The following KCNB2 variants were observed in gnomAD, a reference collection of about 807,000 sequenced individuals.
KCNB2 encodes delayed rectifier potassium channel protein.
Under a neutral mutation model 61.5 loss-of-function variants are expected in KCNB2, and 15 were observed. That is an observed-to-expected ratio of 0.24 (90% CI 0.16 to 0.38). The LOEUF (loss-of-function observed/expected upper bound fraction) is 0.38, where lower values mean the gene tolerates loss of function less well. Ranked by LOEUF, KCNB2 falls within the 10% of genes least tolerant of loss-of-function variation. The pLI, the probability that KCNB2 is intolerant of heterozygous loss-of-function variation, is 1.00. For missense variants in KCNB2, 828 were observed against 1,125.2 expected (o/e 0.74, Z 3.78); for synonymous variants, 457 against 446.0 (o/e 1.02, Z -0.31).
At chr8:72,554,375 C>A (rs1166649826) in intron 1 of KCNB2, among the ~76,000 whole-genome samples, 1 of 151,944 alleles carries the variant, frequency 6.6e-6, no homozygotes, top group Non-Finnish European at 1.5e-5. Context: ...TCCATTCTGA[C>A]CATTATTGGA....
chr8:72,921,153 A>G (rs1344520166), intron 2 of KCNB2, among the ~76,000 whole-genome samples: 1 of 152,068 alleles, frequency 6.6e-6, no homozygotes, highest in Non-Finnish European at 1.5e-5. Flanking sequence ...ATTTAATATA[A>G]TAATTACTAT....
chr8:72,749,780 ATAT>A (rs1021216175), intron 2 of KCNB2, among the ~76,000 whole-genome samples: 4 of 146,196 alleles, frequency 2.7e-5, no homozygotes, highest in African/African-American at 7.5e-5. Context: ...ATATATACAA[ATAT>A]TATATATAAT....
At chr8:72,900,982 T>C (rs1290927388) in intron 2 of KCNB2, among the ~76,000 whole-genome samples, 5 of 152,166 alleles carry the variant, frequency 3.3e-5, no homozygotes, top group African/African-American at 1.2e-4. Context: ...CCCAGCAATC[T>C]TATTACTGGG....
chr8:72,541,820 T>C (rs1294373873), intron 1 of KCNB2, among the ~76,000 whole-genome samples: 5 of 152,158 alleles, frequency 3.3e-5, no homozygotes, highest in Non-Finnish European at 5.9e-5. Context: ...CAGTTTATTT[T>C]CATTTTCAGG....
chr8:72,590,282 T>C (rs982537618), intron 2 of KCNB2, among the ~76,000 whole-genome samples: 1 of 152,212 alleles, frequency 6.6e-6, no homozygotes, highest in Non-Finnish European at 1.5e-5. Flanking sequence ...TTGCTTTGAA[T>C]TTTACCAAAT....
intron 2 of KCNB2, among the ~76,000 whole-genome samples, chr8:72,790,023 C>T (rs1187937415): frequency 2.0e-5 from 3 of 152,050 alleles, no homozygotes; most frequent in Non-Finnish European, 2.9e-5. Flanking sequence ...AAATATGATG[C>T]TCAGAAGCAA....
intron 2 of KCNB2, among the ~76,000 whole-genome samples, chr8:72,852,363 A>AT (rs1351054167): frequency 3.9e-5 from 6 of 152,206 alleles, no homozygotes; most frequent in African/African-American, 1.4e-4. Context: ...CATGTTTTTC[A>AT]TTACCATTTC....
intron 2 of KCNB2, among the ~76,000 whole-genome samples, chr8:72,688,248 G>A (rs1045177425): frequency 5.3e-5 from 8 of 152,064 alleles, no homozygotes; most frequent in Admixed American, 2.6e-4. Flanking sequence ...TAAAAAATCC[G>A]AGAGCCCTTT....
chr8:72,907,018 C>G (rs1806190031), intron 2 of KCNB2, among the ~76,000 whole-genome samples: 1 of 152,128 alleles, frequency 6.6e-6, no homozygotes, highest in African/African-American at 2.4e-5. Flanking sequence ...GAAGAATTAA[C>G]CAACCATGAA....
intron 2 of KCNB2, among the ~76,000 whole-genome samples, chr8:72,616,349 A>C (rs772293868): frequency 4.1e-4 from 63 of 152,218 alleles, no homozygotes; most frequent in Non-Finnish European, 7.3e-4. Flanking sequence ...GCTAACAACA[A>C]AACAGTGTCA....
At chr8:72,702,666 T>C (rs1266230707) in intron 2 of KCNB2, among the ~76,000 whole-genome samples, 1 of 152,202 alleles carries the variant, frequency 6.6e-6, no homozygotes, top group Middle Eastern at 3.2e-3. Context: ...TTCATATAAT[T>C]CAAAAGTCAG....
chr8:72,665,709 G>A (rs1172208248), intron 2 of KCNB2, among the ~76,000 whole-genome samples: 1 of 120,058 alleles, frequency 8.3e-6, no homozygotes, highest in South Asian at 2.9e-4. Flanking sequence ...TTCTTAAATC[G>A]TTCCTGTTTT....
At position 72,716,376 on chromosome 8, in the gene KCNB2, C is replaced by G. The variant is rs188859900; in HGVS notation, c.579+148063C>G. ...CACGACAAAAAAAGAGAATTTTAGA[C>G]CAATATCTTTGATGAACATTGATGC... On this transcript the variant is annotated intron_variant, in intron 2 of 2. Transcript: ENST00000523207. Among the ~76,000 whole-genome samples, 709 of 152,248 alleles carry G rather than the reference C, an allele frequency of 4.7e-3. 7 individuals are homozygous for G. The highest frequency in any genetic ancestry group is 0.016 in the African/African-American group (677 of 41,534).
intron 2 of KCNB2, among the ~76,000 whole-genome samples, chr8:72,634,303 C>T (rs1805931860): frequency 6.6e-6 from 1 of 152,176 alleles, no homozygotes; most frequent in African/African-American, 2.4e-5. Flanking sequence ...CACAGAGACC[C>T]TCAGAGTGCA....
At chr8:72,927,820 C>T (rs952288789) in intron 2 of KCNB2, among the ~76,000 whole-genome samples, 2 of 152,200 alleles carry the variant, frequency 1.3e-5, no homozygotes, top group Non-Finnish European at 2.9e-5. Flanking sequence ...CCCCCAGCCA[C>T]ACAAAAGTAC....
At chr8:72,842,063 T>C (rs1431715553) in intron 2 of KCNB2, among the ~76,000 whole-genome samples, 1 of 152,202 alleles carries the variant, frequency 6.6e-6, no homozygotes, top group Non-Finnish European at 1.5e-5. Context: ...GGCTGTGGGT[T>C]TGTCACAAAT....
At chr8:72,826,930 T>C (rs1228009486) in intron 2 of KCNB2, among the ~76,000 whole-genome samples, 2 of 152,238 alleles carry the variant, frequency 1.3e-5, no homozygotes, top group Admixed American at 1.3e-4. Context: ...GTATTGCTTT[T>C]GCTTCTAAGT....
chr8:72,582,899 C>A (rs1258643403), intron 2 of KCNB2, among the ~76,000 whole-genome samples: 1 of 152,128 alleles, frequency 6.6e-6, no homozygotes, highest in African/African-American at 2.4e-5. Context: ...GGATTACAGG[C>A]ATGAGCCACC....
chr8:72,783,394 G>A (rs147688151), intron 2 of KCNB2, among the ~76,000 whole-genome samples: 31 of 152,048 alleles, frequency 2.0e-4, no homozygotes, highest in African/African-American at 5.5e-4. Context: ...GCTGCTTCTC[G>A]CCTCTTCTCT....
Sources: allele counts gnomAD v4.1 joint callset (sites outside exome capture counted in the v4.1 genomes callset), GRCh38; gene constraint gnomAD v4.1.1; transcripts MANE v1.5; gene names NCBI Gene and HGNC (gene_info 2026-07-23, HGNC 2026-07-21).